GPC6: variants seen among roughly 807,000 people sequenced by gnomAD.
The protein encoded by GPC6 is glypican-6.
Under a neutral mutation model 55.2 loss-of-function variants are expected in GPC6, and 14 were observed. The observed-to-expected ratio is 0.25, with a 90% CI of 0.17 to 0.40. The LOEUF (loss-of-function observed/expected upper bound fraction) is 0.40, where lower values mean the gene tolerates loss of function less well. GPC6 is among the 10% of genes least tolerant of loss of function. The pLI is 1.00. For synonymous variants in GPC6, 278 were observed against 259.6 expected (o/e 1.07, Z -0.68); for missense variants, 641 against 708.5 (o/e 0.90, Z 1.08).
intron 1 of GPC6, among the ~76,000 whole-genome samples, chr13:93,428,325 T>A (rs1877227115): frequency 6.6e-6 from 1 of 152,124 alleles, no homozygotes; most frequent in Non-Finnish European, 1.5e-5. Context: ...AAAGCAGGTA[T>A]TAAAGTGTGG....
intron 4 of GPC6, among the ~76,000 whole-genome samples, chr13:94,095,703 G>T (rs1885632589): frequency 6.6e-6 from 1 of 152,160 alleles, no homozygotes; most frequent in Admixed American, 6.5e-5. Context: ...TGGGATCAGA[G>T]TGGAGCTTCA....
chr13:93,514,893 G>GC (rs1424509904), intron 1 of GPC6, among the ~76,000 whole-genome samples: 1 of 152,150 alleles, frequency 6.6e-6, no homozygotes, highest in African/African-American at 2.4e-5. Flanking sequence ...ATTTGGCATT[G>GC]CTTGTTATAT....
At chr13:93,523,384 T>C (rs542308324) in intron 1 of GPC6, among the ~76,000 whole-genome samples, 15 of 78,544 alleles carry the variant, frequency 1.9e-4, no homozygotes, top group Non-Finnish European at 3.8e-4. Context: ...TATGTATGTA[T>C]GTGTATATAT....
intron 3 of GPC6, among the ~76,000 whole-genome samples, chr13:93,895,783 G>A (rs949487428): frequency 6.6e-6 from 1 of 152,004 alleles, no homozygotes; most frequent in Non-Finnish European, 1.5e-5. Context: ...GGTATGATCT[G>A]ATGGATGGAT....
At chr13:93,513,141 T>C (rs1001224801) in intron 1 of GPC6, among the ~76,000 whole-genome samples, 2 of 152,178 alleles carry the variant, frequency 1.3e-5, no homozygotes, top group African/African-American at 4.8e-5. Context: ...TGGTTCTCTC[T>C]CCAGTGTAGC....
At chr13:93,225,422 G>A (rs932360364), upstream of GPC6, among the ~76,000 whole-genome samples, 1 of 152,076 alleles carries the variant, frequency 6.6e-6, no homozygotes, top group Non-Finnish European at 1.5e-5. Flanking sequence ...GCAAAAAACT[G>A]TGCTAAAATT....
intron 3 of GPC6, among the ~76,000 whole-genome samples, chr13:93,853,146 C>CAAT (rs1888469112): frequency 6.6e-6 from 1 of 151,584 alleles, no homozygotes; most frequent in Non-Finnish European, 1.5e-5. Flanking sequence ...CACGGTCAAG[C>CAAT]AATACTCTAA....
chr13:94,215,347 G>T (rs1399016014), intron 4 of GPC6, among the ~76,000 whole-genome samples: 1 of 152,022 alleles, frequency 6.6e-6, no homozygotes, highest in Non-Finnish European at 1.5e-5. Flanking sequence ...TTTGTCATGG[G>T]CTTTATCTGT....
chr13:93,755,785 C>T (rs899230896), intron 2 of GPC6, among the ~76,000 whole-genome samples: 2 of 152,154 alleles, frequency 1.3e-5, no homozygotes, highest in African/African-American at 4.8e-5. Context: ...AAGAAAGATT[C>T]ATTTATACAT....
At chr13:94,132,140 G>T (rs1394266946) in intron 4 of GPC6, among the ~76,000 whole-genome samples, 2 of 152,090 alleles carry the variant, frequency 1.3e-5, no homozygotes, top group Admixed American at 6.6e-5. Context: ...TTCACGTAGG[G>T]TGTTAAAGAG....
At chr13:93,450,321 T>C (rs1301236735) in intron 1 of GPC6, among the ~76,000 whole-genome samples, 1 of 152,240 alleles carries the variant, frequency 6.6e-6, no homozygotes, top group Non-Finnish European at 1.5e-5. Context: ...TTCTTAGCAA[T>C]ACACTGGCTT....
At position 94,331,704 on chromosome 13, in the gene GPC6, T is replaced by A. The variant is rs1459210220; in HGVS notation, c.1152+25581T>A. On this transcript the variant is annotated intron_variant, in intron 6 of 8. Coordinates refer to ENST00000377047, the MANE Select transcript of GPC6 (RefSeq NM_005708.5). ...CAAATAGTATGAGAAAGGATCCTAG[T>A]ATGAAAATTCTGAGTTAAACCTGGG... is the stretch of plus-strand genomic sequence containing the variant. 2.0e-5 allele frequency among the ~76,000 whole-genome samples: 3 copies of A among 152,164 alleles called. No homozygotes were observed. In the South Asian group the frequency reaches 6.2e-4, roughly 31 times the overall value.
At chr13:93,940,008 T>C (rs1878652176) in intron 3 of GPC6, among the ~76,000 whole-genome samples, 1 of 152,200 alleles carries the variant, frequency 6.6e-6, no homozygotes, top group Non-Finnish European at 1.5e-5. Flanking sequence ...TTAAGTTATA[T>C]GCATAACTTA....
At chr13:94,156,790 CAT>C (rs1284471657) in intron 4 of GPC6, among the ~76,000 whole-genome samples, 1 of 152,168 alleles carries the variant, frequency 6.6e-6, no homozygotes, top group Non-Finnish European at 1.5e-5. Flanking sequence ...ATAAAATATA[CAT>C]AGTTCTCATT....
intron 2 of GPC6, among the ~76,000 whole-genome samples, chr13:93,662,630 A>C (rs1880972395): frequency 6.6e-6 from 1 of 152,068 alleles, no homozygotes. Context: ...GACGTCTTTC[A>C]AAAAAAGCCA....
At chr13:93,231,377 A>ACGTATATATATATATATGTG in intron 1 of GPC6, among the ~76,000 whole-genome samples, 1 of 18,708 alleles carries the variant, frequency 5.3e-5, no homozygotes, top group African/African-American at 2.6e-4. Flanking sequence ...ATATATATAT[A>ACGTATATATATATATATGTG]TACATATATA....
In GPC6 at chr13:94,034,247, A is replaced by AGGAAGGAAG. The variant is rs141372123; in HGVS notation, c.877+6357_877+6358insGGAAGGGAA. 2.2e-3 allele frequency among the ~76,000 whole-genome samples: 324 copies of AGGAAGGAAG among 147,036 alleles called. 4 individuals carry two copies. Among genetic ancestry groups the AGGAAGGAAG allele is most frequent in the Admixed American group, 5.0e-3 (72 of 14,386 alleles). On this transcript the variant is annotated intron_variant, in intron 4 of 8. Transcript: ENST00000377047. ...AAGGAAGGAAGGAAGGAAGGAAGGA[A>AGGAAGGAAG]GGAAAGAAAGAAAGAAAAGAGTTGG...
At chr13:93,688,568 C>T (rs1368011199) in intron 2 of GPC6, among the ~76,000 whole-genome samples, 1 of 152,030 alleles carries the variant, frequency 6.6e-6, no homozygotes, top group African/African-American at 2.4e-5. Flanking sequence ...TATATACACA[C>T]AGAGAAATAT....
intron 1 of GPC6, among the ~76,000 whole-genome samples, chr13:93,513,078 G>T (rs1881044948): frequency 6.6e-6 from 1 of 152,122 alleles, no homozygotes; most frequent in African/African-American, 2.4e-5. Flanking sequence ...CTGAGCCATT[G>T]CTGTAAACTG....
Sources: allele counts gnomAD v4.1 joint callset (sites outside exome capture counted in the v4.1 genomes callset), GRCh38; gene constraint gnomAD v4.1.1; transcripts MANE v1.5; gene names NCBI Gene and HGNC (gene_info 2026-07-23, HGNC 2026-07-21).